Variants in CCT7 observed in about 807,000 individuals in gnomAD.
CCT7 encodes the protein T-complex protein 1 subunit eta.
In CCT7, 16 loss-of-function variants were observed where a neutral mutation model predicts 56.6. The ratio of observed to expected loss-of-function variants is 0.28; its 90% confidence interval spans 0.19 to 0.43. The LOEUF is 0.43. CCT7 is among the 20% of genes least tolerant of loss of function. The probability of loss-of-function intolerance (pLI) is 1.00; values close to 1 mark genes in which losing one functional copy is unlikely to be tolerated. For missense variants in CCT7, 519 were observed against 685.6 expected, an observed-to-expected ratio of 0.76 and a Z score of 2.71; for synonymous variants, 262 against 254.8, an observed-to-expected ratio of 1.03 and a Z score of -0.27.
At chr2:73,236,345 T>A (rs935270100) in intron 1 of CCT7, among the ~76,000 whole-genome samples, 1 of 145,392 alleles carries the variant, frequency 6.9e-6, no homozygotes, top group African/African-American at 2.6e-5. Context: ...TTTCTTTTTC[T>A]TTTTTTTTTT....
intron 8 of CCT7, 83 bp downstream of exon 8, chr2:73,249,262 G>A: frequency 9.1e-7 from 1 of 1,100,262 alleles, no homozygotes; most frequent in Non-Finnish European, 1.3e-6. Context: ...AGAGTGTACT[G>A]TCAGGTTGGC....
At chr2:73,251,133 C>T (rs1687557214) in intron 10 of CCT7, 93 bp from the exon 11 acceptor site, 1 of 1,171,236 alleles carries the variant, frequency 8.5e-7, no homozygotes, top group East Asian at 2.4e-5. Flanking sequence ...TGAAGAACCA[C>T]TCTTTCTGGG....
At chr2:73,241,728 A>G (rs553648881) in intron 3 of CCT7, among the ~76,000 whole-genome samples, 3 of 151,096 alleles carry the variant, frequency 2.0e-5, no homozygotes, top group Non-Finnish European at 2.9e-5. Context: ...TAATCTGCTT[A>G]TTCCCAGTAG....
At chr2:73,236,891 A>G (rs978886979) in intron 1 of CCT7, among the ~76,000 whole-genome samples, 2 of 152,160 alleles carry the variant, frequency 1.3e-5, no homozygotes, top group African/African-American at 4.8e-5. Flanking sequence ...GCTGCTTCCA[A>G]GCTCTTCTTG....
Position 73,251,398 on chromosome 2 carries a change from A to G in CCT7, c.1376A>G (p.Asn459Ser). 6.2e-7 allele frequency: 1 copy of G among 1,613,070 alleles called. No individual in the cohort carries two copies. Among genetic ancestry groups the G allele is most frequent in the Admixed American group, 1.7e-5 (1 of 59,976 alleles). ...LCDNAGFDAT[N>S]ILNKLRARHA... ...GACAATGCTGGCTTTGATGCCACAA[A>G]CATTCTCAACAAGCTGCGGGCTCGG... Residue 459 changes from asparagine (N) to serine (S), a missense_variant, in exon 11 of 12, where the codon AAC (asparagine) becomes AGC (serine). Transcript: ENST00000258091.
rs1483624845 is a variant in CCT7 at position 73,252,799 on chromosome 2, C to T, written c.1570C>T (p.Arg524Cys). ...VSVDETIKNPRSTVDAPTAAG... is the reference protein window; with the variant it reads ...VSVDETIKNPCSTVDAPTAAG... ...TGTAGATGAAACCATCAAGAACCCC[C>T]GCTCGACTGTGGATGCTCCCACAGC... is the stretch of plus-strand genomic sequence containing the variant. The change falls in exon 12 of 12, where the codon CGC becomes TGC. Residue 524 changes from arginine to cysteine, a missense_variant. Physicochemically the swap from Arg to Cys is radical, Grantham distance 180 (BLOSUM62 -3). Transcript: ENST00000258091. 2.0e-5 allele frequency: 33 copies of T among 1,614,044 alleles called. No homozygotes were observed. The highest frequency in any genetic ancestry group is 2.5e-5 in the Non-Finnish European group (29 of 1,180,040).
At chr2:73,240,331 C>T (rs988749689) in intron 2 of CCT7, 106 bp from the exon 3 acceptor site, 21 of 647,548 alleles carry the variant, frequency 3.2e-5, no homozygotes, top group East Asian at 5.6e-5. Context: ...TCAGCCCTGC[C>T]GTGATCCCCT....
chr2:73,243,218 G>A, intron 4 of CCT7, 89 bp downstream of exon 4: 1 of 1,473,900 alleles, frequency 6.8e-7, no homozygotes, highest in Non-Finnish European at 9.3e-7. Context: ...AGTGTGGAGG[G>A]ACTGGGGAAC....
intron 8 of CCT7, 126 bp downstream of exon 8, chr2:73,249,305 TC>T: frequency 1.4e-6 from 1 of 693,542 alleles, no homozygotes; most frequent in Non-Finnish European, 2.3e-6. Context: ...TTTTTTTAAC[TC>T]TTTTTTTTCC....
chr2:73,240,366 A>C, intron 2 of CCT7, 71 bp from the exon 3 acceptor site: 1 of 1,086,162 alleles, frequency 9.2e-7, no homozygotes, highest in South Asian at 1.4e-5. Context: ...TAAAGTGTAG[A>C]TGGGTTCTAG....
rs77843395 is a variant in CCT7 at position 73,244,393 on chromosome 2, T to C, written c.447-151T>C. On this transcript the variant is annotated intron_variant, in intron 5 of 11. Transcript: ENST00000258091. ...GATCTTTGACTGCAGTCACCATCTG[T>C]CACTGATAATCTGCCCTAAAGATAC... 5.5e-3 allele frequency: 3,587 copies of C among 654,858 alleles called. 87 individuals carry two copies. The African/African-American group carries it at 0.056, about 10-fold the overall frequency. 40.6% of individuals were successfully genotyped at this position (654,858 alleles called of 1,614,324 possible).
chr2:73,250,209 G>C, intron 9 of CCT7, 97 bp from the exon 10 acceptor site: 1 of 1,442,646 alleles, frequency 6.9e-7, no homozygotes, highest in South Asian at 1.2e-5. Context: ...GAATGTAAGA[G>C]CAGCTGCTGA....
At position 73,251,293 on chromosome 2, in the gene CCT7, C is replaced by T; in HGVS notation, c.1271C>T (p.Ser424Leu). The T allele has an allele frequency of 6.2e-7, 1 of 1,614,198 alleles. No individual in the cohort carries two copies. The highest frequency in any genetic ancestry group is 8.5e-7 in the Non-Finnish European group (1 of 1,180,038). Residue 424 changes from serine to leucine, a missense_variant, in exon 11 of 12, where the codon TCA (serine) becomes TTA (leucine). Transcript: ENST00000258091. ...CTCTCCAAGTACCTGCGGGATTACT[C>T]AAGGACTATTCCAGGAAAACAGCAG... The part of the protein sequence containing the change: ...MELSKYLRDY[S>L]RTIPGKQQLL...
At chr2:73,244,467 C>T (rs1687247822) in intron 5 of CCT7, 77 bp from the exon 6 acceptor site, 8 of 1,301,272 alleles carry the variant, frequency 6.1e-6, no homozygotes, top group Admixed American at 4.7e-5. Flanking sequence ...AAGGGAACTA[C>T]CTCCACACTG....
intron 11 of CCT7, among the ~76,000 whole-genome samples, chr2:73,251,671 T>G (rs1296260763): frequency 6.6e-6 from 1 of 152,228 alleles, no homozygotes; most frequent in African/African-American, 2.4e-5. Context: ...CCAGGTGCGG[T>G]GGCTCACGCC....
intron 1 of CCT7, among the ~76,000 whole-genome samples, chr2:73,236,489 C>T (rs536174295): frequency 1.1e-3 from 162 of 152,222 alleles, no homozygotes; most frequent in Non-Finnish European, 1.9e-3. Context: ...TACAGGCATA[C>T]GCCACCACGC....
intron 7 of CCT7, 76 bp downstream of exon 7, chr2:73,248,002 AT>A: frequency 7.6e-7 from 1 of 1,311,572 alleles, no homozygotes; most frequent in South Asian, 1.3e-5. Flanking sequence ...CTTCATGGCT[AT>A]TGTGGGCCCC....
chr2:73,250,577 C>G lies in CCT7; in HGVS notation c.1203+139C>G, dbSNP rs1271790117. 4.3e-6 allele frequency: 4 copies of G among 927,642 alleles called. No homozygotes were observed. The African/African-American group carries it at 5.0e-5, about 12-fold the overall frequency. The allele number at this position is 927,642 out of a possible 1,614,324, so 57.5% of individuals were successfully genotyped here. ...GTGGTGTGGTGAGCCCTGATTTGCC[C>G]CACAAATGGTAGAGAAACTGAGCCT... On this transcript the variant is annotated intron_variant, in intron 10 of 11. Transcript: ENST00000258091.
At chr2:73,250,972 G>A (rs1687550224) in intron 10 of CCT7, among the ~76,000 whole-genome samples, 1 of 152,068 alleles carries the variant, frequency 6.6e-6, no homozygotes, top group Non-Finnish European at 1.5e-5. Context: ...TGGAGCTAAT[G>A]TAGTCAGATA....
Sources: gnomAD v4.1 joint callset for allele counts (sites outside exome capture counted in the v4.1 genomes callset) on GRCh38, gnomAD v4.1.1 for gene constraint, MANE v1.5 for transcripts, NCBI Gene and HGNC (gene_info 2026-07-23, HGNC 2026-07-21) for gene names.